The following DMXL1 variants were observed in gnomAD, a reference collection of about 807,000 sequenced individuals.
The protein encoded by DMXL1 is dmX-like protein 1.
In DMXL1, 99 loss-of-function variants were observed where a neutral mutation model predicts 319.2. That is an observed-to-expected ratio of 0.31 (90% confidence interval 0.26 to 0.37). The LOEUF is 0.37. Among genes scored for constraint, DMXL1 ranks in the 10% least tolerant of loss-of-function variants. The probability of loss-of-function intolerance (pLI) is 1.00; values close to 1 mark genes in which losing one functional copy is unlikely to be tolerated. For synonymous variants in DMXL1, 1,385 were observed against 1,235.2 expected, an observed-to-expected ratio of 1.12 and a Z score of -2.54; for missense variants, 3,745 against 3,595.6, an observed-to-expected ratio of 1.04 and a Z score of -1.06.
chr5:119,148,044 C>G (rs962782333), intron 17 of DMXL1, among the ~76,000 whole-genome samples: 1 of 152,142 alleles, frequency 6.6e-6, no homozygotes, highest in Non-Finnish European at 1.5e-5. Context: ...AACCACTGTT[C>G]TGGAGTATCA....
chr5:119,082,561 G>A (rs1210804051), intron 1 of DMXL1, among the ~76,000 whole-genome samples: 2 of 152,134 alleles, frequency 1.3e-5, no homozygotes, highest in Admixed American at 6.6e-5. Flanking sequence ...TTATAGATGT[G>A]AGCTGCCATG....
chr5:119,148,335 A>G (rs1769032499), intron 17 of DMXL1, among the ~76,000 whole-genome samples: 1 of 152,176 alleles, frequency 6.6e-6, no homozygotes, highest in Non-Finnish European at 1.5e-5. Context: ...TAGATTTATA[A>G]TGTATAAAAC....
intron 32 of DMXL1, among the ~76,000 whole-genome samples, chr5:119,202,885 T>TTA (rs372719854): frequency 0.2 from 26,293 of 130,464 alleles, 2,765 homozygotes; most frequent in Middle Eastern, 0.27. Flanking sequence ...ATATATATTT[T>TTA]TATATATATA....
chr5:119,105,141 G>A lies in DMXL1; in HGVS notation c.286-39G>A, dbSNP rs747266355. On this transcript the variant is annotated intron_variant, in intron 3 of 43. Transcript: ENST00000539542. Reference sequence around the variant, plus strand: ...CGTACACATTTGACAGAGAAAATATGCCAATCATAATGGGCTAAATGACTT... The same window carrying A: ...CGTACACATTTGACAGAGAAAATATACCAATCATAATGGGCTAAATGACTT... 3.2e-5 allele frequency: 41 copies of A among 1,292,236 alleles called. 1 individual carries two copies. The Admixed American group carries it at 5.8e-4, about 18-fold the overall frequency. The allele number at this position is 1,292,236 out of a possible 1,614,324, so 80.0% of individuals were successfully genotyped here.
intron 1 of DMXL1, among the ~76,000 whole-genome samples, chr5:119,080,790 T>C (rs1308758241): frequency 6.6e-6 from 1 of 152,198 alleles, no homozygotes; most frequent in Non-Finnish European, 1.5e-5. Flanking sequence ...TCATCACTTT[T>C]CCTCCTCTCT....
rs181752480 is a variant in DMXL1 at position 119,217,509 on chromosome 5, G to A, written c.8013+522G>A. ...GCCTTAGGTACTATAGTCCAAGATT[G>A]AAATCTGTCTTATTAATCATTTTCC... On this transcript the variant is annotated intron_variant, in intron 35 of 43. Transcript: ENST00000539542. 6.1e-4 allele frequency among the ~76,000 whole-genome samples: 93 copies of A among 152,200 alleles called. No homozygotes were observed. In the Middle Eastern group the frequency reaches 0.01, roughly 17 times the overall value.
chr5:119,192,196 T>G (rs1267091107), intron 29 of DMXL1, among the ~76,000 whole-genome samples: 1 of 152,236 alleles, frequency 6.6e-6, no homozygotes, highest in Non-Finnish European at 1.5e-5. Flanking sequence ...CATCCCAATT[T>G]AAAGTTACAG....
chr5:119,229,394 T>C (rs1260460911), intron 38 of DMXL1, among the ~76,000 whole-genome samples: 1 of 152,178 alleles, frequency 6.6e-6, no homozygotes, highest in Non-Finnish European at 1.5e-5. Context: ...AGTAAAACTT[T>C]GCACCAATGT....
intron 19 of DMXL1, among the ~76,000 whole-genome samples, chr5:119,162,325 G>A (rs796545886): frequency 6.6e-6 from 1 of 152,280 alleles, no homozygotes; most frequent in East Asian, 1.9e-4. Context: ...TTGTGCAGGG[G>A]TGTCTGTCTT....
rs559510636 is a variant in DMXL1, at chr5:119,199,227, T to C, written c.7745+1271T>C. On this transcript the variant is annotated intron_variant, in intron 32 of 43. Coordinates refer to ENST00000539542, the MANE Select transcript of DMXL1 (RefSeq NM_001290321.3). ...TTGTGATCCTCTTTCTCCTCCCCAC[T>C]TCCCCCTCAAGTAGACCCCACTGTC... 4.6e-5 allele frequency among the ~76,000 whole-genome samples: 7 copies of C among 152,162 alleles called. No homozygotes were observed. In the South Asian group the frequency reaches 1.5e-3, roughly 32 times the overall value.
chr5:119,107,534 T>C (rs936871870), intron 4 of DMXL1, among the ~76,000 whole-genome samples: 5 of 152,238 alleles, frequency 3.3e-5, no homozygotes, highest in African/African-American at 1.2e-4. Context: ...CCTGCTTTAA[T>C]ATCTGTAATT....
In DMXL1 at chr5:119,244,470, G is replaced by A. The variant is rs752862233; in HGVS notation, c.8816G>A (p.Arg2939Gln). 98 of 1,613,950 alleles carry A rather than the reference G, an allele frequency of 6.1e-5. No individual in the cohort carries two copies. The highest frequency in any genetic ancestry group is 1.2e-4 in the African/African-American group (9 of 74,912). The change falls in exon 43 of 44, where the codon CGA becomes CAA. Residue 2939 changes from arginine (R) to glutamine (Q), a missense_variant. By Grantham distance (43) the Arg-to-Gln change is conservative. Coordinates refer to ENST00000539542, the MANE Select transcript of DMXL1 (RefSeq NM_001290321.3). ...ACATATGTATTTGACCTTTGTCAAC[G>A]ACAACAGAGGCAGCTTTTCCAGAGC... is the stretch of plus-strand genomic sequence containing the variant. ...GFTYVFDLCQRQQRQLFQSHD... is the reference protein window; with the variant it reads ...GFTYVFDLCQQQQRQLFQSHD...
At chr5:119,204,313 A>G (rs1781379011) in intron 33 of DMXL1, among the ~76,000 whole-genome samples, 1 of 151,854 alleles carries the variant, frequency 6.6e-6, no homozygotes, top group African/African-American at 2.4e-5. Context: ...AATTTTTTGT[A>G]TTTTTGGTAG....
At chr5:119,228,051 T>C in intron 38 of DMXL1, among the ~76,000 whole-genome samples, 1 of 152,236 alleles carries the variant, frequency 6.6e-6, no homozygotes, top group East Asian at 1.9e-4. Context: ...TTCAAAACCA[T>C]AATTATTAAA....
intron 13 of DMXL1, among the ~76,000 whole-genome samples, chr5:119,138,672 A>C (rs745622961): frequency 1.9e-4 from 29 of 152,224 alleles, no homozygotes; most frequent in Non-Finnish European, 1.3e-4. Flanking sequence ...AACCCCATCT[A>C]TTAAAAATAT....
chr5:119,189,948 A>G (rs921616842), intron 29 of DMXL1, 62 bp downstream of exon 29: 12 of 1,489,428 alleles, frequency 8.1e-6, no homozygotes, highest in Admixed American at 2.0e-5. Flanking sequence ...AATATCAGAA[A>G]TAAGTGTCAT....
intron 25 of DMXL1, among the ~76,000 whole-genome samples, chr5:119,173,259 G>C (rs1774953086): frequency 6.6e-6 from 1 of 150,732 alleles, no homozygotes; most frequent in Non-Finnish European, 1.5e-5. Flanking sequence ...AGAATCACTT[G>C]AACCCAGGAG....
intron 4 of DMXL1, among the ~76,000 whole-genome samples, chr5:119,106,870 G>C (rs1758466318): frequency 6.6e-6 from 1 of 152,208 alleles, no homozygotes; most frequent in African/African-American, 2.4e-5. Flanking sequence ...CAGTAGAATT[G>C]ACATTACTTA....
chr5:119,088,719 C>T (rs553806592), intron 1 of DMXL1, among the ~76,000 whole-genome samples: 1 of 152,108 alleles, frequency 6.6e-6, no homozygotes, highest in African/African-American at 2.4e-5. Context: ...GCGTTATTAT[C>T]TTAAAGGTAT....
Sources: gnomAD v4.1 joint callset for allele counts (sites outside exome capture counted in the v4.1 genomes callset) on GRCh38, gnomAD v4.1.1 for gene constraint, MANE v1.5 for transcripts, NCBI Gene and HGNC (gene_info 2026-07-23, HGNC 2026-07-21) for gene names.